The following GPR137C variants were observed in gnomAD, a reference collection of about 807,000 sequenced individuals.
GPR137C encodes integral membrane protein GPR137C.
Under a neutral mutation model 43.4 loss-of-function variants are expected in GPR137C, and 27 were observed. That is an observed-to-expected ratio of 0.62 (90% CI 0.46 to 0.86). The LOEUF (loss-of-function observed/expected upper bound fraction) is 0.86. Ranked by LOEUF, GPR137C falls within the 40% of genes least tolerant of loss-of-function variation. The pLI is 0.00. For missense variants in GPR137C, 522 were observed against 534.6 expected, an observed-to-expected ratio of 0.98 and a Z score of 0.23; for synonymous variants, 285 against 226.9, an observed-to-expected ratio of 1.26 and a Z score of -2.30.
chr14:52,614,826 A>T (rs2039080831), intron 3 of GPR137C, among the ~76,000 whole-genome samples: 2 of 152,090 alleles, frequency 1.3e-5, no homozygotes, highest in South Asian at 4.1e-4. Flanking sequence ...TTTTTCCTAT[A>T]GAGTTTGAGT....
Position 52,637,227 on chromosome 14 carries a change from A to C in GPR137C, c.*2112A>C, listed in dbSNP as rs1223568644. 6.6e-6 allele frequency: 1 copy of C among 152,138 alleles called. No homozygotes were observed. Among genetic ancestry groups the C allele is most frequent in the East Asian group, 1.9e-4 (1 of 5,202 alleles). 9.4% of individuals were successfully genotyped at this position (152,138 alleles called of 1,614,324 possible). A position where few individuals can be genotyped will look rare whatever the true frequency, so the allele number is the denominator to read the frequency against. On this transcript the variant is annotated 3_prime_UTR_variant, in exon 7 of 7. Coordinates refer to ENST00000321662, the MANE Select transcript of GPR137C (RefSeq NM_001099652.2). The stretch of plus-strand genomic sequence containing the variant: ...AACATATCACCAAAGACAAATAAAG[A>C]TACACTCTGGCCCAATCTTTGCTTA...
chr14:52,618,472 G>A (rs577310650), intron 3 of GPR137C, among the ~76,000 whole-genome samples: 65 of 151,904 alleles, frequency 4.3e-4, no homozygotes, highest in African/African-American at 1.5e-3. Context: ...CTTTTTATAG[G>A]GTAACTCAAA....
intron 1 of GPR137C, 103 bp downstream of exon 1, chr14:52,553,694 G>A (rs1275664101): frequency 6.5e-6 from 6 of 928,200 alleles, no homozygotes; most frequent in Non-Finnish European, 9.5e-6. Context: ...GCAGCGAGAG[G>A]CGGACTGGAA....
intron 1 of GPR137C, among the ~76,000 whole-genome samples, chr14:52,575,862 G>C (rs2038542697): frequency 2.0e-5 from 3 of 152,128 alleles, no homozygotes. Context: ...AATTTCTAAG[G>C]TTTCTCTTAG....
At chr14:52,588,693 C>G (rs1204834072) in intron 1 of GPR137C, among the ~76,000 whole-genome samples, 5 of 151,938 alleles carry the variant, frequency 3.3e-5, no homozygotes, top group Admixed American at 2.0e-4. Flanking sequence ...AAATATGTAC[C>G]TAATGCATAA....
At chr14:52,614,018 A>G (rs1269746163) in intron 3 of GPR137C, among the ~76,000 whole-genome samples, 2 of 151,876 alleles carry the variant, frequency 1.3e-5, no homozygotes, top group Non-Finnish European at 2.9e-5. Flanking sequence ...AGTATTTGTT[A>G]TTGCCTGTTT....
At position 52,622,789 on chromosome 14, in the gene GPR137C, T is replaced by C. The variant is rs559596956; in HGVS notation, c.718-9371T>C. Among the ~76,000 whole-genome samples, 24 of 152,236 alleles carry C rather than the reference T, an allele frequency of 1.6e-4. 1 individual carries two copies. The South Asian group carries it at 4.8e-3, about 30-fold the overall frequency. On this transcript the variant is annotated intron_variant, in intron 3 of 6. Coordinates refer to ENST00000321662, the MANE Select transcript of GPR137C (RefSeq NM_001099652.2). Reference sequence around the variant, plus strand: ...TACTTTAAGGGCACATCTCATCACATAGAATGTTAAATACACATGTACTCT... The same window carrying C: ...TACTTTAAGGGCACATCTCATCACACAGAATGTTAAATACACATGTACTCT...
chr14:52,580,965 GAGAC>G lies in GPR137C; in HGVS notation c.445-17304_445-17301del, dbSNP rs1435181563. On this transcript the variant is annotated intron_variant, in intron 1 of 6. Transcript: ENST00000321662. ...TGTAATCCCAGCACTTTGGGAGGCT[GAGAC>G]AGGTGGATCACCTGAAGTCAGGAGT... is the stretch of plus-strand genomic sequence containing the variant. 2.0e-5 allele frequency among the ~76,000 whole-genome samples: 3 copies of G among 150,918 alleles called. No homozygotes were observed. In the East Asian group the frequency reaches 5.8e-4, roughly 29 times the overall value.
chr14:52,634,009 A>G, intron 6 of GPR137C, 63 bp downstream of exon 6: 1 of 967,194 alleles, frequency 1.0e-6, no homozygotes, highest in Non-Finnish European at 1.7e-6. Flanking sequence ...AAACAAATCT[A>G]AGCTTTAACC....
At chr14:52,591,440 C>T (rs568443851) in intron 1 of GPR137C, among the ~76,000 whole-genome samples, 5 of 151,532 alleles carry the variant, frequency 3.3e-5, no homozygotes, top group African/African-American at 9.7e-5. Context: ...AATTTACACT[C>T]CCAACAGTGT....
At chr14:52,624,554 T>TC (rs1350965763) in intron 3 of GPR137C, among the ~76,000 whole-genome samples, 1 of 143,576 alleles carries the variant, frequency 7.0e-6, no homozygotes, top group African/African-American at 2.5e-5. Flanking sequence ...TGAAACCTCA[T>TC]CTCTACAAAA....
intron 5 of GPR137C, 62 bp from the exon 6 acceptor site, chr14:52,633,766 C>G (rs1300355390): frequency 1.3e-6 from 2 of 1,516,126 alleles, no homozygotes; most frequent in East Asian, 2.3e-5. Context: ...ATTATAGATT[C>G]TAGCCTCCTT....
In GPR137C at chr14:52,572,517, T is replaced by C. The variant is rs143154047; in HGVS notation, c.444+18926T>C. On this transcript the variant is annotated intron_variant, in intron 1 of 6. Transcript: ENST00000321662. Reference sequence around the variant, plus strand: ...AAAACCACATAATTATCTCAATAGATGCAGAAAAGGTCTTTGATAAAATTC... The same window carrying C: ...AAAACCACATAATTATCTCAATAGACGCAGAAAAGGTCTTTGATAAAATTC... Among the ~76,000 whole-genome samples the C allele has an allele frequency of 8.0e-3, 1,218 of 152,318 alleles. 15 individuals are homozygous for C. The highest frequency in any genetic ancestry group is 0.028 in the African/African-American group (1,163 of 41,564).
At chr14:52,605,196 T>A (rs930596083) in intron 3 of GPR137C, among the ~76,000 whole-genome samples, 11 of 152,320 alleles carry the variant, frequency 7.2e-5, no homozygotes, top group African/African-American at 2.6e-4. Flanking sequence ...GAGCATGGGA[T>A]GTCTTTCCAT....
intron 1 of GPR137C, among the ~76,000 whole-genome samples, chr14:52,576,133 C>T (rs920514322): frequency 6.6e-6 from 1 of 152,112 alleles, no homozygotes; most frequent in Non-Finnish European, 1.5e-5. Flanking sequence ...TGGCCCAAGG[C>T]CCCAGATAAA....
chr14:52,607,634 A>G (rs573874904), intron 3 of GPR137C, among the ~76,000 whole-genome samples: 110 of 152,294 alleles, frequency 7.2e-4, no homozygotes, highest in African/African-American at 2.6e-3. Context: ...CCAGCACTTT[A>G]GGAAGCCAAG....
intron 1 of GPR137C, among the ~76,000 whole-genome samples, chr14:52,579,693 C>T (rs951539293): frequency 6.6e-6 from 1 of 152,178 alleles, no homozygotes; most frequent in Non-Finnish European, 1.5e-5. Context: ...CTGGAATAAA[C>T]CAGACACACA....
At chr14:52,624,910 C>T (rs920350647) in intron 3 of GPR137C, among the ~76,000 whole-genome samples, 1 of 152,042 alleles carries the variant, frequency 6.6e-6, no homozygotes, top group Non-Finnish European at 1.5e-5. Context: ...AAACATCTTA[C>T]AGACATTAAA....
intron 3 of GPR137C, chr14:52,613,093 A>G (rs2039056596): frequency 6.6e-6 from 1 of 152,094 alleles, no homozygotes; most frequent in South Asian, 2.1e-4. Flanking sequence ...AAAAATACAA[A>G]AAATTTGCCC....
Sources: gnomAD v4.1 joint callset for allele counts (sites outside exome capture counted in the v4.1 genomes callset) on GRCh38, gnomAD v4.1.1 for gene constraint, MANE v1.5 for transcripts, NCBI Gene and HGNC (gene_info 2026-07-23, HGNC 2026-07-21) for gene names.